IL23R: variants seen among roughly 807,000 people sequenced by gnomAD.
The protein encoded by IL23R is interleukin-23 receptor.
A neutral mutation model predicts 56.9 loss-of-function variants in IL23R; 34 were observed. That is an observed-to-expected ratio of 0.60 (90% CI 0.45 to 0.80). The LOEUF is 0.80. IL23R is among the 30% of genes least tolerant of loss of function. IL23R has a pLI of 0.00. For synonymous variants in IL23R, 230 were observed against 249.2 expected, an observed-to-expected ratio of 0.92 and a Z score of 0.73; for missense variants, 635 against 730.0, an observed-to-expected ratio of 0.87 and a Z score of 1.50.
chr1:67,172,948 G>C (rs1383300694), intron 3 of IL23R, among the ~76,000 whole-genome samples: 1 of 152,114 alleles, frequency 6.6e-6, no homozygotes, highest in Admixed American at 6.6e-5. Flanking sequence ...TTAAATGCTA[G>C]AAGTACAAAG....
In IL23R at chr1:67,158,765, C is replaced by A. The variant is rs372278523; in HGVS notation, c.-633-9327C>A. ...ATTGATAAGGTTTGGATTTGTGTGC[C>A]AGCCTAAATCTCATGTGAAATTGGA... On this transcript the variant is annotated intron_variant, in intron 1 of 10. Transcript: ENST00000637002. Among the ~76,000 whole-genome samples, 287 of 152,076 alleles carry A rather than the reference C, an allele frequency of 1.9e-3. 4 individuals are homozygous for A. In the Middle Eastern group the frequency reaches 0.024, roughly 13 times the overall value.
At chr1:67,157,003 C>T (rs1350546993) in intron 1 of IL23R, among the ~76,000 whole-genome samples, 4 of 152,136 alleles carry the variant, frequency 2.6e-5, no homozygotes, top group Non-Finnish European at 4.4e-5. Flanking sequence ...TGTAGTACCC[C>T]GGGTAGGTAG....
downstream of IL23R, among the ~76,000 whole-genome samples, chr1:67,261,995 G>C (rs1050999513): frequency 6.6e-6 from 1 of 152,166 alleles, no homozygotes; most frequent in African/African-American, 2.4e-5. Flanking sequence ...GGTCCCAATG[G>C]ACTAGAAATT....
intron 1 of IL23R, among the ~76,000 whole-genome samples, chr1:67,141,182 T>C (rs888444037): frequency 1.2e-4 from 19 of 152,318 alleles, no homozygotes; most frequent in African/African-American, 1.7e-4. Flanking sequence ...TATAAGTCTC[T>C]GTTCAAAGAA....
downstream of IL23R, among the ~76,000 whole-genome samples, chr1:67,262,985 C>T (rs993480754): frequency 6.6e-6 from 1 of 152,074 alleles, no homozygotes; most frequent in Non-Finnish European, 1.5e-5. Flanking sequence ...CTCTCCCTCT[C>T]CCTCCCTTTT....
chr1:67,205,032 G>A (rs562588842), intron 5 of IL23R, among the ~76,000 whole-genome samples: 1 of 152,210 alleles, frequency 6.6e-6, no homozygotes, highest in South Asian at 2.1e-4. Flanking sequence ...TGCCCACCTA[G>A]GCCTCCCCAA....
chr1:67,259,298 T>G lies in IL23R; in HGVS notation c.*170T>G. On this transcript the variant is annotated 3_prime_UTR_variant, in exon 11 of 11. Transcript: ENST00000347310. ...TTGGATAAATACCTAGGTAGGGGATTGCTGGGCCATATGATAAGCATATGT... is the reference window on the plus strand; with the variant it reads ...TTGGATAAATACCTAGGTAGGGGATGGCTGGGCCATATGATAAGCATATGT... 1 of 669,502 alleles carries G rather than the reference T, an allele frequency of 1.5e-6. No individual in the cohort carries two copies. Among genetic ancestry groups the G allele is most frequent in the Non-Finnish European group, 2.6e-6 (1 of 385,618 alleles). 41.5% of individuals were successfully genotyped at this position (669,502 alleles called of 1,614,324 possible).
chr1:67,226,843 T>C (rs771830394), intron 7 of IL23R, among the ~76,000 whole-genome samples: 13 of 152,206 alleles, frequency 8.5e-5, no homozygotes, highest in Non-Finnish European at 1.0e-4. Context: ...TTATCTCTAG[T>C]ACTATCTGGT....
At chr1:67,171,546 T>G (rs1646943908) in intron 3 of IL23R, among the ~76,000 whole-genome samples, 1 of 152,226 alleles carries the variant, frequency 6.6e-6, no homozygotes, top group Non-Finnish European at 1.5e-5. Context: ...TTAACATTGT[T>G]ACTTCAGGTT....
intron 1 of IL23R, among the ~76,000 whole-genome samples, chr1:67,152,142 C>G (rs1646734011): frequency 6.6e-6 from 1 of 152,140 alleles, no homozygotes; most frequent in Non-Finnish European, 1.5e-5. Flanking sequence ...TTTCCTTGAG[C>G]AGTGGTTTGC....
At chr1:67,151,791 T>C (rs923909999) in intron 1 of IL23R, among the ~76,000 whole-genome samples, 8 of 152,206 alleles carry the variant, frequency 5.3e-5, no homozygotes, top group Non-Finnish European at 8.8e-5. Context: ...GAGGTCTCTG[T>C]TCTGTTGCAT....
intron 3 of IL23R, among the ~76,000 whole-genome samples, chr1:67,180,893 G>A (rs1045883600): frequency 1.3e-5 from 2 of 152,094 alleles, no homozygotes; most frequent in Non-Finnish European, 2.9e-5. Context: ...TAGTTTGGCT[G>A]GATATGAAAA....
chr1:67,256,816 C>A (rs946387239), intron 10 of IL23R, among the ~76,000 whole-genome samples: 1 of 152,120 alleles, frequency 6.6e-6, no homozygotes, highest in Non-Finnish European at 1.5e-5. Context: ...TCTGGTAAGC[C>A]TATTAGCTAA....
intron 7 of IL23R, among the ~76,000 whole-genome samples, chr1:67,232,032 T>C (rs1002782264): frequency 6.6e-6 from 1 of 151,878 alleles, no homozygotes; most frequent in Admixed American, 6.6e-5. Flanking sequence ...AAGAAAAAAA[T>C]TGAATAAAAA....
chr1:67,165,222 AAAC>A (rs1243825587), upstream of IL23R, among the ~76,000 whole-genome samples: 2 of 152,138 alleles, frequency 1.3e-5, no homozygotes, highest in Admixed American at 6.5e-5. Context: ...ACAAAAACAA[AAAC>A]AACAACCAAA....
At chr1:67,155,646 C>T (rs1157042663) in intron 1 of IL23R, among the ~76,000 whole-genome samples, 1 of 152,188 alleles carries the variant, frequency 6.6e-6, no homozygotes, top group Non-Finnish European at 1.5e-5. Context: ...TCCATCACAT[C>T]ATTTATGTTC....
intron 3 of IL23R, among the ~76,000 whole-genome samples, chr1:67,172,654 T>A (rs1283749946): frequency 2.0e-5 from 3 of 152,236 alleles, no homozygotes; most frequent in Non-Finnish European, 4.4e-5. Flanking sequence ...ATTTTAAATA[T>A]CTTTGACTTT....
At chr1:67,148,965 A>C (rs1242373442) in intron 1 of IL23R, among the ~76,000 whole-genome samples, 1 of 152,190 alleles carries the variant, frequency 6.6e-6, no homozygotes, top group Non-Finnish European at 1.5e-5. Flanking sequence ...ACTGCCTGGC[A>C]GGGCTGCCCT....
intron 8 of IL23R, 120 bp from the exon 9 acceptor site, chr1:67,240,058 TG>T: frequency 1.3e-6 from 1 of 745,812 alleles, no homozygotes; most frequent in Non-Finnish European, 2.3e-6. Flanking sequence ...AGGTTAATTT[TG>T]CTTCCCCCCA....
Sources: allele counts gnomAD v4.1 joint callset (sites outside exome capture counted in the v4.1 genomes callset), GRCh38; gene constraint gnomAD v4.1.1; transcripts MANE v1.5; gene names NCBI Gene and HGNC (gene_info 2026-07-23, HGNC 2026-07-21).